Variants in WTAP observed in about 807,000 individuals in gnomAD.
WTAP encodes WT1 associated protein.
In WTAP, 8 loss-of-function variants were observed where a neutral mutation model predicts 50.0. The observed-to-expected ratio is 0.16, with a 90% confidence interval of 0.09 to 0.29. The LOEUF (loss-of-function observed/expected upper bound fraction) is 0.29. Among genes scored for constraint, WTAP ranks in the 10% least tolerant of loss-of-function variants. The pLI is 1.00. For synonymous variants in WTAP, 194 were observed against 169.0 expected (o/e 1.15, Z -1.15); for missense variants, 295 against 470.7 (o/e 0.63, Z 3.45).
Position 159,755,427 on chromosome 6 carries a change from A to C in WTAP, c.1007A>C (p.Tyr336Ser). Residue 336 changes from tyrosine to serine, a missense_variant, in exon 8 of 8, where the codon TAT becomes TCT. Tyr to Ser is a moderately radical substitution (Grantham distance 144). Around this residue, in one of 2 missense-constraint regions of WTAP, gnomAD observed 175 missense variants for 183.1 expected, o/e 0.96. Coordinates refer to ENST00000621533, the MANE Select transcript of WTAP (RefSeq NM_001270531.2). ...TACGTAAATCAACTCAGTGCGGGGT[A>C]TGAAAGTGTAGACTCTCCCACGGGC... ...SGYVNQLSAG[Y>S]ESVDSPTGSE... 6.2e-7 allele frequency: 1 copy of C among 1,614,192 alleles called. No individual in the cohort carries two copies. The highest frequency in any genetic ancestry group is 8.5e-7 in the Non-Finnish European group (1 of 1,180,036).
upstream of WTAP, chr6:159,727,464 A>C (rs1366638875): frequency 3.1e-6 from 3 of 966,212 alleles, no homozygotes; most frequent in Non-Finnish European, 3.6e-6. Context: ...GGCGGAGCGG[A>C]GCCGTGCGGC....
intron 1 of WTAP, 122 bp downstream of exon 1, chr6:159,727,825 C>G: frequency 1.5e-6 from 1 of 681,194 alleles, no homozygotes; most frequent in Non-Finnish European, 1.8e-6. Flanking sequence ...GGGCCTGGTG[C>G]GGCACCGGTC....
At chr6:159,752,033 A>T (rs1394229801) in intron 6 of WTAP, among the ~76,000 whole-genome samples, 1 of 151,518 alleles carries the variant, frequency 6.6e-6, no homozygotes, top group Admixed American at 6.6e-5. Flanking sequence ...ACTGCACTCC[A>T]GCCTGGCAAC....
intron 3 of WTAP, among the ~76,000 whole-genome samples, chr6:159,739,996 G>GTT (rs201265156): frequency 1.3e-5 from 2 of 150,810 alleles, no homozygotes; most frequent in Non-Finnish European, 3.0e-5. Flanking sequence ...TCAATGCTGG[G>GTT]TTTTTTTTTG....
upstream of WTAP, chr6:159,727,502 T>C: frequency 2.0e-6 from 2 of 992,050 alleles, no homozygotes; most frequent in Non-Finnish European, 2.4e-6. Context: ...CGGGGCCTGG[T>C]TTCCTCCCTC....
At chr6:159,747,610 G>A (rs530374351) in intron 5 of WTAP, among the ~76,000 whole-genome samples, 1 of 152,162 alleles carries the variant, frequency 6.6e-6, no homozygotes, top group Non-Finnish European at 1.5e-5. Flanking sequence ...TGTATTTTAA[G>A]TTATAATCTT....
At chr6:159,726,911 G>C (rs1238246166), upstream of WTAP, 2 of 1,288,890 alleles carry the variant, frequency 1.6e-6, no homozygotes, top group Admixed American at 4.6e-5. Flanking sequence ...TCTCTCTTGA[G>C]GTGGCACCTG....
chr6:159,748,657 T>C lies in WTAP; in HGVS notation c.452+288T>C. The C allele has an allele frequency of 7.9e-7, 1 of 1,264,412 alleles. No homozygotes were observed. The highest frequency in any genetic ancestry group is 9.9e-7 in the Non-Finnish European group (1 of 1,006,842). 78.3% of individuals were successfully genotyped at this position (1,264,412 alleles called of 1,614,324 possible). ...CGAAAAATTCCCCTTCTAGAACATG[T>C]AGACACTTGAGAAATGTTTCTGTTT... is the stretch of plus-strand genomic sequence containing the variant. On this transcript the variant is annotated intron_variant, in intron 6 of 7. Coordinates refer to ENST00000621533, the MANE Select transcript of WTAP (RefSeq NM_001270531.2). This position sits in a 1 kb window ranked among gnomAD's most constrained non-coding sequence, Gnocchi z 5.6.
intron 2 of WTAP, chr6:159,736,644 TTA>T (rs1484331906): frequency 5.7e-6 from 1 of 176,588 alleles, no homozygotes; most frequent in African/African-American, 2.4e-5. Flanking sequence ...AAAATGGACA[TTA>T]TGAGTATATT....
At position 159,749,460 on chromosome 6, in the gene WTAP, G is replaced by A. The variant is rs570996229; in HGVS notation, c.452+1091G>A. On this transcript the variant is annotated intron_variant, in intron 6 of 7. Transcript: ENST00000621533. ...TTTTTTTAAGTTCAAAGAATATTATGATGATTTTGTTGTACTCTTTAACAT... is the reference window on the plus strand; with the variant it reads ...TTTTTTTAAGTTCAAAGAATATTATAATGATTTTGTTGTACTCTTTAACAT... The A allele has an allele frequency of 1.3e-5, 13 of 979,224 alleles. No individual in the cohort carries two copies. The South Asian group carries it at 1.4e-4, about 11-fold the overall frequency. The allele number at this position is 979,224 out of a possible 1,614,324, so 60.7% of individuals were successfully genotyped here. A position where few individuals can be genotyped will look rare whatever the true frequency, so the allele number is the denominator to read the frequency against.
chr6:159,736,359 CT>C, intron 2 of WTAP, 64 bp downstream of exon 2: 3 of 1,285,660 alleles, frequency 2.3e-6, no homozygotes, highest in Non-Finnish European at 3.3e-6. Context: ...TTTTTAAGCA[CT>C]TTAAAAAAAA....
upstream of WTAP, chr6:159,726,810 G>C: frequency 7.8e-7 from 1 of 1,289,212 alleles, no homozygotes; most frequent in Non-Finnish European, 1.0e-6. Flanking sequence ...CCTCACGACT[G>C]ATGAGAGGGA....
chr6:159,731,191 G>C (rs1778547271), intron 1 of WTAP, among the ~76,000 whole-genome samples: 1 of 151,754 alleles, frequency 6.6e-6, no homozygotes. Flanking sequence ...GCTGGGCATG[G>C]TGGCTCACAA....
rs745901440 is a variant in WTAP at position 159,753,618 on chromosome 6, AG to A, written c.607+8del. On this transcript the variant is annotated splice_donor_5th_base_variant and intron_variant, in intron 7 of 7. Transcript: ENST00000621533. ...GAGCTTAAAAGCAGTCAGGATGGTA[AG>A]GGGTTTGTTTCTTTTTGGAACGTTG... 6.3e-7 allele frequency: 1 copy of A among 1,598,748 alleles called. No homozygotes were observed. The highest frequency in any genetic ancestry group is 1.3e-5 in the African/African-American group (1 of 74,198).
At chr6:159,733,619 CAA>C (rs572744439) in intron 1 of WTAP, among the ~76,000 whole-genome samples, 13 of 112,290 alleles carry the variant, frequency 1.2e-4, no homozygotes, top group South Asian at 2.7e-4. Flanking sequence ...GAGACTGTCT[CAA>C]AAAAAAAAAA....
At chr6:159,753,752 C>A in intron 7 of WTAP, 138 bp downstream of exon 7, 2 of 1,102,032 alleles carry the variant, frequency 1.8e-6, no homozygotes, top group Non-Finnish European at 2.4e-6. Context: ...GTGAGTGAAG[C>A]ATTTTTAGTT....
At chr6:159,754,997 A>AT (rs780326295) in intron 7 of WTAP, 31 bp from the exon 8 acceptor site, 3 of 1,560,384 alleles carry the variant, frequency 1.9e-6, no homozygotes, top group Non-Finnish European at 2.6e-6. Context: ...TATAAACGAT[A>AT]TTAAAGTTGG....
chr6:159,728,458 G>A (rs1483980121), intron 1 of WTAP, among the ~76,000 whole-genome samples: 1 of 152,206 alleles, frequency 6.6e-6, no homozygotes, highest in African/African-American at 2.4e-5. Flanking sequence ...GTCTGGTAGG[G>A]AAATACTTCT....
Position 159,753,568 on chromosome 6 carries a change from G to A in WTAP, c.561G>A (p.Leu187=). 1 of 1,614,154 alleles carries A rather than the reference G, an allele frequency of 6.2e-7. No individual in the cohort carries two copies. The highest frequency in any genetic ancestry group is 8.5e-7 in the Non-Finnish European group (1 of 1,180,020). Residue 187 remains leucine (L), a synonymous_variant, in exon 7 of 8, where the codon TTG becomes TTA. Transcript: ENST00000621533. ...GTATTGCACAACTTGAAGCAGAGTTGGCTTTACAGAAGAAATACAGTGAGG... is the reference window on the plus strand; with the variant it reads ...GTATTGCACAACTTGAAGCAGAGTTAGCTTTACAGAAGAAATACAGTGAGG... ...QGRIAQLEAE[L]ALQKKYSEEL...
Sources: allele counts gnomAD v4.1 joint callset (sites outside exome capture counted in the v4.1 genomes callset), GRCh38; gene constraint gnomAD v4.1.1; regional missense constraint gnomAD v4.1.1; non-coding constraint Gnocchi (gnomAD v3.1); transcripts MANE v1.5; gene names NCBI Gene and HGNC (gene_info 2026-07-23, HGNC 2026-07-21).